GRM1: variants seen among roughly 807,000 people sequenced by gnomAD.
GRM1 encodes the protein metabotropic glutamate receptor 1.
GRM1 carries 33 observed loss-of-function variants against 90.9 expected under a neutral mutation model. The ratio of observed to expected loss-of-function variants is 0.36; its 90% CI spans 0.28 to 0.49. The LOEUF (loss-of-function observed/expected upper bound fraction) is 0.49, where lower values mean the gene tolerates loss of function less well. Among genes scored for constraint, GRM1 ranks in the 20% least tolerant of loss-of-function variants. The probability of loss-of-function intolerance (pLI) is 0.99; values close to 1 mark genes in which losing one functional copy is unlikely to be tolerated. For synonymous variants in GRM1, 700 were observed against 613.2 expected, an observed-to-expected ratio of 1.14 and a Z score of -2.09; for missense variants, 1,190 against 1,534.3, an observed-to-expected ratio of 0.78 and a Z score of 3.75.
chr6:146,230,397 T>A (rs1268610268), intron 2 of GRM1, among the ~76,000 whole-genome samples: 1 of 151,954 alleles, frequency 6.6e-6, no homozygotes, highest in East Asian at 1.9e-4. Flanking sequence ...AGATGGCAAA[T>A]AATCATATGA....
In GRM1 at chr6:146,210,221, C is replaced by T. The variant is rs141895604; in HGVS notation, c.950+50624C>T. ...GGACAAAAGAAAGAAAACCAAGTCA[C>T]GGAAGCTTTGCAATTTGTCCAAAAT... On this transcript the variant is annotated intron_variant, in intron 2 of 7. Coordinates refer to ENST00000282753, the MANE Select transcript of GRM1 (RefSeq NM_001278064.2). Among the ~76,000 whole-genome samples the T allele has an allele frequency of 5.0e-3, 758 of 152,208 alleles. 5 individuals are homozygous for T. The highest frequency in any genetic ancestry group is 0.017 in the African/African-American group (707 of 41,520).
chr6:146,260,659 G>C (rs1301318957), intron 2 of GRM1, among the ~76,000 whole-genome samples: 1 of 152,092 alleles, frequency 6.6e-6, no homozygotes, highest in Admixed American at 6.6e-5. Flanking sequence ...ATCCTAAAAC[G>C]TGTGAAGTTG....
intron 2 of GRM1, among the ~76,000 whole-genome samples, chr6:146,302,888 C>T (rs1441620890): frequency 2.0e-5 from 3 of 147,236 alleles, no homozygotes; most frequent in Admixed American, 6.8e-5. Context: ...AAGGAAGGAA[C>T]GAAGGGAGGA....
chr6:146,366,603 T>C (rs1231054221), intron 5 of GRM1, among the ~76,000 whole-genome samples: 2 of 152,188 alleles, frequency 1.3e-5, no homozygotes, highest in African/African-American at 4.8e-5. Context: ...ACATATTTCT[T>C]TCTGTGCTTT....
chr6:146,088,975 T>C (rs1476967158), intron 1 of GRM1, among the ~76,000 whole-genome samples: 1 of 152,154 alleles, frequency 6.6e-6, no homozygotes, highest in East Asian at 1.9e-4. Context: ...AGACCCATGA[T>C]GGCCATTCTT....
At chr6:146,035,314 T>G (rs549533087) in intron 1 of GRM1, among the ~76,000 whole-genome samples, 11 of 151,974 alleles carry the variant, frequency 7.2e-5, no homozygotes, top group Non-Finnish European at 1.5e-4. Context: ...TCAAGAAAGA[T>G]ACATCCAAGC....
rs559782958 is a variant in GRM1 at position 146,434,029 on chromosome 6, T to A, written c.2818T>A (p.Ser940Thr). The change falls in exon 8 of 8, where the codon TCT becomes ACT. Residue 940 changes from serine to threonine, a missense_variant. Coordinates refer to ENST00000282753, the MANE Select transcript of GRM1 (RefSeq NM_001278064.2). ...IKPLTKSYQG[S>T]GKSLTFSDTS... is the part of the protein sequence containing the mutation. Reference sequence around the variant, plus strand: ...GCCCCTCACTAAAAGTTACCAAGGCTCTGGCAAGAGCCTGACCTTTTCAGA... The same window carrying A: ...GCCCCTCACTAAAAGTTACCAAGGCACTGGCAAGAGCCTGACCTTTTCAGA... 6.1e-5 allele frequency: 98 copies of A among 1,614,104 alleles called. 2 individuals are homozygous for A. The South Asian group carries it at 9.7e-4, about 16-fold the overall frequency.
At chr6:146,232,615 A>G (rs1198181407) in intron 2 of GRM1, among the ~76,000 whole-genome samples, 3 of 152,014 alleles carry the variant, frequency 2.0e-5, no homozygotes, top group Admixed American at 1.3e-4. Flanking sequence ...ATCAAATAAT[A>G]TGTCTTATTA....
chr6:146,043,108 A>G (rs1322239802), intron 1 of GRM1, among the ~76,000 whole-genome samples: 2 of 151,900 alleles, frequency 1.3e-5, no homozygotes, highest in East Asian at 3.9e-4. Flanking sequence ...AGCCTGAGCA[A>G]TATAGCAAGA....
intron 5 of GRM1, among the ~76,000 whole-genome samples, chr6:146,378,558 G>T (rs1374960926): frequency 6.6e-6 from 1 of 152,158 alleles, no homozygotes; most frequent in East Asian, 1.9e-4. Flanking sequence ...TTTTGTTTTG[G>T]CCAATTTCTC....
intron 2 of GRM1, among the ~76,000 whole-genome samples, chr6:146,202,790 C>T (rs1193744747): frequency 6.6e-6 from 1 of 152,176 alleles, no homozygotes. Flanking sequence ...GCTGGGTTGG[C>T]TGCAAGAACT....
intron 2 of GRM1, among the ~76,000 whole-genome samples, chr6:146,244,631 A>G (rs1780991504): frequency 6.6e-6 from 1 of 152,228 alleles, no homozygotes; most frequent in Admixed American, 6.5e-5. Context: ...GGGGTAGCCT[A>G]CGAATCAGAC....
chr6:146,258,517 T>C (rs972190195), intron 2 of GRM1, among the ~76,000 whole-genome samples: 4 of 152,124 alleles, frequency 2.6e-5, no homozygotes, highest in African/African-American at 9.7e-5. Flanking sequence ...CTATGTATTT[T>C]ATTTTATTCA....
chr6:146,408,728 C>T (rs1014271079), intron 7 of GRM1, among the ~76,000 whole-genome samples: 2 of 152,120 alleles, frequency 1.3e-5, no homozygotes, highest in African/African-American at 4.8e-5. Context: ...ACTGTTACTC[C>T]GTGTGAGATG....
intron 2 of GRM1, among the ~76,000 whole-genome samples, chr6:146,179,560 C>T (rs1249314412): frequency 6.6e-6 from 1 of 152,192 alleles, no homozygotes; most frequent in Non-Finnish European, 1.5e-5. Flanking sequence ...GTCGCCCAGG[C>T]GGGAGTGCAG....
chr6:146,407,713 A>G (rs776452693), intron 7 of GRM1, among the ~76,000 whole-genome samples: 33 of 152,168 alleles, frequency 2.2e-4, no homozygotes, highest in Non-Finnish European at 3.7e-4. Context: ...AGAGGAGTAA[A>G]TGGGGCCAAA....
chr6:146,231,846 T>A (rs1238355301), intron 2 of GRM1, among the ~76,000 whole-genome samples: 1 of 148,666 alleles, frequency 6.7e-6, no homozygotes, highest in African/African-American at 2.6e-5. Flanking sequence ...TACATCTATA[T>A]TCATGAGGGA....
chr6:146,030,745 A>AT (rs1790676604), intron 1 of GRM1, among the ~76,000 whole-genome samples: 1 of 152,216 alleles, frequency 6.6e-6, no homozygotes, highest in African/African-American at 2.4e-5. Context: ...TGTAGGATTA[A>AT]TGCAGTCATC....
At position 146,434,107 on chromosome 6, in the gene GRM1, A is replaced by G; in HGVS notation, c.2896A>G (p.Ile966Val). Residue 966 changes from isoleucine (I) to valine (V), a missense_variant, in exon 8 of 8, where the codon ATT becomes GTT. Physicochemically the swap from Ile to Val is conservative, Grantham distance 29. Transcript: ENST00000282753. The stretch of plus-strand genomic sequence containing the variant: ...AGAGGAGGAGGAGGATGCCCAGCCG[A>G]TTCGCTTTAGCCCGCCTGGTAGCCC... ...NVEEEEDAQP[I>V]RFSPPGSPSM... 6.2e-7 allele frequency: 1 copy of G among 1,614,104 alleles called. No individual in the cohort carries two copies. The highest frequency in any genetic ancestry group is 2.2e-5 in the East Asian group (1 of 44,840).
Sources: allele counts gnomAD v4.1 joint callset (sites outside exome capture counted in the v4.1 genomes callset), GRCh38; gene constraint gnomAD v4.1.1; transcripts MANE v1.5; gene names NCBI Gene and HGNC (gene_info 2026-07-23, HGNC 2026-07-21).